The following ADAM7 variants were observed in gnomAD, a reference collection of about 807,000 sequenced individuals.
ADAM7 encodes the protein ADAM metallopeptidase domain 7, also known as disintegrin and metalloproteinase domain-containing protein 7.
ADAM7 carries 97 observed loss-of-function variants against 102.9 expected under a neutral mutation model. The ratio of observed to expected loss-of-function variants is 0.94; its 90% CI spans 0.80 to 1.12. The LOEUF (loss-of-function observed/expected upper bound fraction) is 1.12. ADAM7 is among the 50% of genes most tolerant of loss of function. The pLI is 0.00. For synonymous variants in ADAM7, 334 were observed against 304.4 expected, an observed-to-expected ratio of 1.10 and a Z score of -1.01; for missense variants, 991 against 908.7, an observed-to-expected ratio of 1.09 and a Z score of -1.16.
intron 19 of ADAM7, among the ~76,000 whole-genome samples, 192 bp downstream of exon 19, chr8:24,501,087 T>A (rs1486275317): frequency 6.6e-6 from 1 of 152,166 alleles, no homozygotes; most frequent in African/African-American, 2.4e-5. Context: ...CCCAAACTTG[T>A]GCACATTGAA....
intron 3 of ADAM7, among the ~76,000 whole-genome samples, chr8:24,453,149 G>C (rs1462478786): frequency 6.6e-6 from 1 of 151,950 alleles, no homozygotes; most frequent in African/African-American, 2.4e-5. Context: ...TCTTCTCGAG[G>C]AGTATCTTTG....
At chr8:24,478,327 G>A (rs1819837675) in intron 8 of ADAM7, among the ~76,000 whole-genome samples, 2 of 152,096 alleles carry the variant, frequency 1.3e-5, no homozygotes, top group African/African-American at 4.8e-5. Context: ...TTCACAACAT[G>A]GCAGGTTTCT....
At chr8:24,490,674 A>T in intron 12 of ADAM7, 125 bp from the exon 13 acceptor site, 1 of 894,888 alleles carries the variant, frequency 1.1e-6, no homozygotes, top group Non-Finnish European at 1.8e-6. Flanking sequence ...TGTATGTACC[A>T]CAGCCAACAA....
At chr8:24,452,347 A>G (rs1818829355) in intron 3 of ADAM7, among the ~76,000 whole-genome samples, 1 of 148,678 alleles carries the variant, frequency 6.7e-6, no homozygotes, top group Admixed American at 6.8e-5. Flanking sequence ...TATTGGGTGC[A>G]TATATATTTA....
intron 9 of ADAM7, among the ~76,000 whole-genome samples, chr8:24,484,908 T>C (rs576263021): frequency 2.0e-5 from 3 of 149,220 alleles, no homozygotes; most frequent in African/African-American, 7.4e-5. Flanking sequence ...CGGGTTCAGG[T>C]GATTCTCCTA....
At chr8:24,441,281 T>G in intron 1 of ADAM7, 121 bp downstream of exon 1, 1 of 937,776 alleles carries the variant, frequency 1.1e-6, no homozygotes, top group South Asian at 1.4e-5. Flanking sequence ...TCTGAGAGCT[T>G]CGACTAGATT....
chr8:24,483,007 A>T (rs1820012329), intron 9 of ADAM7, among the ~76,000 whole-genome samples: 1 of 152,078 alleles, frequency 6.6e-6, no homozygotes, highest in African/African-American at 2.4e-5. Context: ...TCACTCTCTG[A>T]ACATTTCCCC....
chr8:24,462,205 G>A (rs995788047), intron 3 of ADAM7, among the ~76,000 whole-genome samples: 1 of 152,178 alleles, frequency 6.6e-6, no homozygotes, highest in African/African-American at 2.4e-5. Flanking sequence ...TAGTTCAGTT[G>A]TTTTATTCTT....
chr8:24,460,090 TA>T (rs1819186796), intron 3 of ADAM7, among the ~76,000 whole-genome samples: 1 of 151,710 alleles, frequency 6.6e-6, no homozygotes, highest in African/African-American at 2.4e-5. Flanking sequence ...TTGATTTTTT[TA>T]AAATGTATCT....
chr8:24,470,661 G>A (rs1007418456), intron 7 of ADAM7, among the ~76,000 whole-genome samples: 10 of 152,092 alleles, frequency 6.6e-5, no homozygotes, highest in Admixed American at 2.6e-4. Flanking sequence ...CCATCATAAC[G>A]TTACAGCACA....
chr8:24,460,317 T>C (rs1348271672), intron 3 of ADAM7, among the ~76,000 whole-genome samples: 1 of 152,110 alleles, frequency 6.6e-6, no homozygotes, highest in Admixed American at 6.5e-5. Context: ...TTAATAGGAA[T>C]GTTAACATTA....
At chr8:24,468,100 AG>A (rs773113097) in intron 6 of ADAM7, among the ~76,000 whole-genome samples, 17 of 152,070 alleles carry the variant, frequency 1.1e-4, no homozygotes, top group Non-Finnish European at 1.6e-4. Context: ...TTTAAAAAAA[AG>A]ATCTATGATT....
chr8:24,475,614 G>T (rs937996086), intron 7 of ADAM7, among the ~76,000 whole-genome samples: 1 of 152,104 alleles, frequency 6.6e-6, no homozygotes, highest in African/African-American at 2.4e-5. Flanking sequence ...AGATTGAAGA[G>T]ATTCTAATGC....
At position 24,485,381 on chromosome 8, in the gene ADAM7, T is replaced by C. The variant is rs571627810; in HGVS notation, c.960+20T>C. 1.9e-6 allele frequency: 3 copies of C among 1,594,952 alleles called. No individual in the cohort carries two copies. Among genetic ancestry groups the C allele is most frequent in the African/African-American group, 1.3e-5 (1 of 74,226 alleles). ...ATTAAGGTGGGCTGTGTTTTATTTATATTACTTAATAATGTTTGAATAAAA... is the reference window on the plus strand; with the variant it reads ...ATTAAGGTGGGCTGTGTTTTATTTACATTACTTAATAATGTTTGAATAAAA... On this transcript the variant is annotated intron_variant, in intron 10 of 21. Transcript: ENST00000175238.
chr8:24,479,250 G>A (rs528959872), intron 8 of ADAM7, among the ~76,000 whole-genome samples: 1 of 152,052 alleles, frequency 6.6e-6, no homozygotes, highest in African/African-American at 2.4e-5. Flanking sequence ...CCTGTCCATG[G>A]GTCATTGGGT....
intron 20 of ADAM7, among the ~76,000 whole-genome samples, chr8:24,503,643 T>C (rs1009368356): frequency 6.6e-6 from 1 of 152,064 alleles, no homozygotes; most frequent in Non-Finnish European, 1.5e-5. Context: ...CCATCAATGA[T>C]AGACTGGATA....
chr8:24,472,134 A>AC (rs1447359885), intron 7 of ADAM7, among the ~76,000 whole-genome samples: 1 of 151,538 alleles, frequency 6.6e-6, no homozygotes, highest in African/African-American at 2.4e-5. Flanking sequence ...AAAAAAAAAA[A>AC]AAAACAGGTT....
In ADAM7 at chr8:24,462,221, G is replaced by A. The variant is rs1266619792; in HGVS notation, c.234-1661G>A. The stretch of plus-strand genomic sequence containing the variant: ...AGTTCAGTTGTTTTATTCTTAGCAT[G>A]GCTACTTTTAATCTATCCTTCACAT... On this transcript the variant is annotated intron_variant, in intron 3 of 21. Coordinates refer to ENST00000175238, the MANE Select transcript of ADAM7 (RefSeq NM_003817.4). Among the ~76,000 whole-genome samples, 42 of 152,106 alleles carry A rather than the reference G, an allele frequency of 2.8e-4. 1 individual carries two copies. The highest frequency in any genetic ancestry group is 2.8e-3 in the Admixed American group (42 of 15,270).
intron 16 of ADAM7, 33 bp from the exon 17 acceptor site, chr8:24,499,203 A>T (rs1200602205): frequency 2.7e-6 from 4 of 1,497,258 alleles, no homozygotes; most frequent in African/African-American, 1.4e-5. Context: ...ATTGTAAGTC[A>T]TTTTAATTCA....
Sources: allele counts gnomAD v4.1 joint callset (sites outside exome capture counted in the v4.1 genomes callset), GRCh38; gene constraint gnomAD v4.1.1; transcripts MANE v1.5; gene names NCBI Gene and HGNC (gene_info 2026-07-23, HGNC 2026-07-21).